Variants in SNTB1 observed in about 807,000 individuals in gnomAD.
SNTB1 encodes beta-1-syntrophin.
A neutral mutation model predicts 48.9 loss-of-function variants in SNTB1; 36 were observed. The ratio of observed to expected loss-of-function variants is 0.74; its 90% CI spans 0.56 to 0.97. SNTB1 has a LOEUF of 0.97. Among genes scored for constraint, SNTB1 ranks in the 50% least tolerant of loss-of-function variants. The pLI is 0.00. For synonymous variants in SNTB1, 299 were observed against 294.6 expected (o/e 1.01, Z -0.15); for missense variants, 786 against 703.4 (o/e 1.12, Z -1.33).
chr8:120,634,757 G>A (rs187854589), intron 2 of SNTB1, among the ~76,000 whole-genome samples: 224 of 152,226 alleles, frequency 1.5e-3, no homozygotes, highest in African/African-American at 5.1e-3. Flanking sequence ...CTTTTACAGT[G>A]ACTAAACCGT....
intron 3 of SNTB1, among the ~76,000 whole-genome samples, chr8:120,612,045 C>T (rs946847074): frequency 1.3e-5 from 2 of 152,078 alleles, no homozygotes; most frequent in Non-Finnish European, 2.9e-5. Context: ...TGATTTCATT[C>T]ACGTCTCCCC....
intron 1 of SNTB1, among the ~76,000 whole-genome samples, chr8:120,751,682 C>T (rs28627244): frequency 0.041 from 6,200 of 152,160 alleles, 169 homozygotes; most frequent in Non-Finnish European, 0.062. Flanking sequence ...ACCACCAGCT[C>T]CATCACTTAC....
chr8:120,706,367 G>A (rs916782799), intron 1 of SNTB1, among the ~76,000 whole-genome samples: 1 of 152,098 alleles, frequency 6.6e-6, no homozygotes, highest in African/African-American at 2.4e-5. Flanking sequence ...CTGCTTCTGA[G>A]AATTTTATAA....
chr8:120,782,623 T>C (rs796359492), intron 1 of SNTB1, among the ~76,000 whole-genome samples: 27 of 152,244 alleles, frequency 1.8e-4, no homozygotes, highest in African/African-American at 6.3e-4. Flanking sequence ...CACATATATA[T>C]GTAAAATGTT....
intron 1 of SNTB1, among the ~76,000 whole-genome samples, chr8:120,738,163 A>T (rs1818980163): frequency 6.6e-6 from 1 of 152,188 alleles, no homozygotes; most frequent in Admixed American, 6.5e-5. Context: ...CAGCAAGAAG[A>T]CACCTTCTAT....
chr8:120,774,088 G>A (rs1819688712), intron 1 of SNTB1, among the ~76,000 whole-genome samples: 1 of 152,244 alleles, frequency 6.6e-6, no homozygotes, highest in Admixed American at 6.5e-5. Context: ...AAACTCCAAA[G>A]CCGATGTTCC....
At chr8:120,763,363 T>A (rs1819456992) in intron 1 of SNTB1, among the ~76,000 whole-genome samples, 2 of 152,188 alleles carry the variant, frequency 1.3e-5, no homozygotes, top group African/African-American at 4.8e-5. Flanking sequence ...TTGATTTCAT[T>A]GTTAGACTAA....
chr8:120,754,773 A>G (rs1405350070), intron 1 of SNTB1, among the ~76,000 whole-genome samples: 1 of 152,184 alleles, frequency 6.6e-6, no homozygotes, highest in East Asian at 1.9e-4. Context: ...CACAAACAAG[A>G]TCATAAGCAA....
intron 1 of SNTB1, among the ~76,000 whole-genome samples, chr8:120,707,149 T>A (rs1215714818): frequency 6.6e-6 from 1 of 152,216 alleles, no homozygotes; most frequent in African/African-American, 2.4e-5. Context: ...ATCTGAAATA[T>A]GCATAAGTTG....
chr8:120,715,751 T>G (rs1397084608), intron 1 of SNTB1, among the ~76,000 whole-genome samples: 1 of 152,220 alleles, frequency 6.6e-6, no homozygotes, highest in African/African-American at 2.4e-5. Context: ...CTTTCCTTTT[T>G]TTCCCCCTCC....
chr8:120,801,899 G>A (rs1820232301), intron 1 of SNTB1, among the ~76,000 whole-genome samples: 1 of 151,998 alleles, frequency 6.6e-6, no homozygotes, highest in African/African-American at 2.4e-5. Flanking sequence ...CCTTCTACTA[G>A]GACCAAATTC....
intron 3 of SNTB1, among the ~76,000 whole-genome samples, chr8:120,598,979 G>A (rs529642216): frequency 1.3e-5 from 2 of 152,290 alleles, no homozygotes; most frequent in African/African-American, 2.4e-5. Context: ...GCAGGATTAT[G>A]TCTGCATGGC....
intron 2 of SNTB1, among the ~76,000 whole-genome samples, chr8:120,687,865 C>G (rs1818058813): frequency 6.6e-6 from 1 of 152,208 alleles, no homozygotes; most frequent in Non-Finnish European, 1.5e-5. Flanking sequence ...TAATGTGAGT[C>G]AACCCCTTAG....
chr8:120,651,500 C>T (rs914646187), intron 2 of SNTB1, among the ~76,000 whole-genome samples: 1 of 152,196 alleles, frequency 6.6e-6, no homozygotes, highest in African/African-American at 2.4e-5. Context: ...AGTCTCTTTG[C>T]TTTCTCATAG....
chr8:120,736,615 C>A (rs1446534756), intron 1 of SNTB1, among the ~76,000 whole-genome samples: 1 of 152,214 alleles, frequency 6.6e-6, no homozygotes, highest in East Asian at 1.9e-4. Flanking sequence ...TTCACAAATA[C>A]CTTCAACTGA....
intron 1 of SNTB1, among the ~76,000 whole-genome samples, chr8:120,710,217 A>C (rs557930838): frequency 2.6e-5 from 4 of 152,284 alleles, no homozygotes; most frequent in African/African-American, 9.6e-5. Context: ...ATGTTCCCTG[A>C]TCTAATCTTG....
intron 1 of SNTB1, among the ~76,000 whole-genome samples, chr8:120,766,701 T>C (rs1429940731): frequency 6.6e-6 from 1 of 152,184 alleles, no homozygotes; most frequent in East Asian, 1.9e-4. Context: ...AGCGCTATAA[T>C]TGGCTAGAAT....
At chr8:120,643,350 G>A (rs1817229450) in intron 2 of SNTB1, among the ~76,000 whole-genome samples, 1 of 152,194 alleles carries the variant, frequency 6.6e-6, no homozygotes, top group African/African-American at 2.4e-5. Flanking sequence ...GGTGATGTCT[G>A]AGATTTTGGT....
rs920527410 is a variant in SNTB1, at chr8:120,782,407, TA to T, written c.571+28865del. Among the ~76,000 whole-genome samples, 296 of 149,218 alleles carry T rather than the reference TA, an allele frequency of 2.0e-3. 2 individuals carry two copies. The highest frequency in any genetic ancestry group is 7.2e-3 in the African/African-American group (283 of 39,294). On this transcript the variant is annotated intron_variant, in intron 1 of 6. Transcript: ENST00000517992. ...CCTCGAACATTTAGAGTTTCTTTTT[TA>T]AAAGAAACCTTTTTTTAAAAAAAGT...
Sources: gnomAD v4.1 joint callset for allele counts (sites outside exome capture counted in the v4.1 genomes callset) on GRCh38, gnomAD v4.1.1 for gene constraint, MANE v1.5 for transcripts, NCBI Gene and HGNC (gene_info 2026-07-23, HGNC 2026-07-21) for gene names.